The following RAD51B variants were observed in gnomAD, a reference collection of about 807,000 sequenced individuals.
RAD51B encodes the protein DNA repair protein RAD51 homolog 2.
Under a neutral mutation model 42.2 loss-of-function variants are expected in RAD51B, and 38 were observed. The ratio of observed to expected loss-of-function variants is 0.90; its 90% CI spans 0.70 to 1.18. RAD51B has a LOEUF of 1.18. RAD51B is among the 50% of genes most tolerant of loss of function. The pLI, the probability that RAD51B is intolerant of heterozygous loss-of-function variation, is 0.00. For missense variants in RAD51B, 373 were observed against 400.7 expected, an observed-to-expected ratio of 0.93 and a Z score of 0.59; for synonymous variants, 154 against 145.2, an observed-to-expected ratio of 1.06 and a Z score of -0.43.
chr14:68,511,307 C>A (rs1594928902), intron 10 of RAD51B, among the ~76,000 whole-genome samples: 2 of 152,218 alleles, frequency 1.3e-5, no homozygotes, highest in African/African-American at 4.8e-5. Context: ...CTGCAGCCTT[C>A]ACTTGGCACC....
intron 7 of RAD51B, among the ~76,000 whole-genome samples, chr14:68,160,539 A>G (rs1775382342): frequency 6.6e-6 from 1 of 152,238 alleles, no homozygotes; most frequent in Non-Finnish European, 1.5e-5. Flanking sequence ...GACCAATGAC[A>G]CTGATCCTGT....
At chr14:68,436,671 G>A (rs181583235) in intron 9 of RAD51B, among the ~76,000 whole-genome samples, 161 of 152,036 alleles carry the variant, frequency 1.1e-3, no homozygotes, top group Middle Eastern at 6.8e-3. Context: ...GTGTTTTGGC[G>A]GGGGGATCCT....
intron 11 of RAD51B, among the ~76,000 whole-genome samples, chr14:68,680,860 A>G (rs192004059): frequency 6.6e-5 from 10 of 152,134 alleles, no homozygotes; most frequent in African/African-American, 2.4e-4. Context: ...GTAATATACT[A>G]AGTTTAAACT....
At chr14:68,364,188 T>G (rs956981438) in intron 8 of RAD51B, among the ~76,000 whole-genome samples, 1 of 151,768 alleles carries the variant, frequency 6.6e-6, no homozygotes, top group African/African-American at 2.4e-5. Flanking sequence ...CAGCCACCCC[T>G]CTGATCCCTG....
At chr14:68,673,566 A>G (rs553669830) in intron 11 of RAD51B, among the ~76,000 whole-genome samples, 1 of 151,866 alleles carries the variant, frequency 6.6e-6, no homozygotes, top group South Asian at 2.1e-4. Context: ...ATATGTATGC[A>G]CACACATACA....
At chr14:68,382,119 A>G (rs1163338354) in intron 8 of RAD51B, among the ~76,000 whole-genome samples, 2 of 152,240 alleles carry the variant, frequency 1.3e-5, no homozygotes. Flanking sequence ...AGCTCTGGCC[A>G]GTTGGTTTAT....
chr14:68,162,961 G>A (rs377539306), intron 7 of RAD51B, among the ~76,000 whole-genome samples: 1 of 152,228 alleles, frequency 6.6e-6, no homozygotes, highest in African/African-American at 2.4e-5. Flanking sequence ...ATGTATTATA[G>A]CTGCAGTTAT....
chr14:68,643,733 C>T (rs1159338021), intron 10 of RAD51B, among the ~76,000 whole-genome samples: 1 of 152,176 alleles, frequency 6.6e-6, no homozygotes, highest in African/African-American at 2.4e-5. Context: ...CAGAGCAGCT[C>T]CTTGTGTTTT....
chr14:68,625,570 C>A (rs1470313304), intron 10 of RAD51B, among the ~76,000 whole-genome samples: 2 of 152,120 alleles, frequency 1.3e-5, no homozygotes, highest in Non-Finnish European at 2.9e-5. Context: ...CCTCCCAGAC[C>A]CAAGCCATCC....
chr14:68,042,698 A>G (rs73284252), intron 7 of RAD51B, among the ~76,000 whole-genome samples: 1,553 of 152,218 alleles, frequency 0.01, 28 homozygotes, highest in African/African-American at 0.036. Flanking sequence ...AGTGTGACTT[A>G]TTTATGCTTC....
intron 7 of RAD51B, among the ~76,000 whole-genome samples, chr14:67,960,247 G>A (rs1224903476): frequency 1.3e-5 from 2 of 152,176 alleles, no homozygotes; most frequent in Non-Finnish European, 2.9e-5. Flanking sequence ...TGAATTGCTT[G>A]TTCAAAGTCA....
At chr14:68,227,791 T>C (rs2140976336) in intron 7 of RAD51B, among the ~76,000 whole-genome samples, 1 of 152,306 alleles carries the variant, frequency 6.6e-6, no homozygotes, top group South Asian at 2.1e-4. Context: ...TAATGTATAA[T>C]TGGAGGAAAC....
chr14:68,319,392 T>C (rs534956500), intron 8 of RAD51B, among the ~76,000 whole-genome samples: 1 of 152,380 alleles, frequency 6.6e-6, no homozygotes, highest in East Asian at 1.9e-4. Flanking sequence ...TTGCCAAATC[T>C]GCAGTGCTTT....
intron 8 of RAD51B, among the ~76,000 whole-genome samples, chr14:68,389,800 C>T (rs1005586151): frequency 8.5e-5 from 13 of 152,190 alleles, no homozygotes; most frequent in Admixed American, 8.5e-4. Context: ...AGTCAGGCTT[C>T]CAAAAGACTT....
intron 7 of RAD51B, among the ~76,000 whole-genome samples, chr14:68,271,564 G>A (rs1026512297): frequency 2.6e-5 from 4 of 151,942 alleles, no homozygotes; most frequent in South Asian, 4.1e-4. Flanking sequence ...AGGCTTTATC[G>A]TCCAATGGAT....
intron 8 of RAD51B, among the ~76,000 whole-genome samples, chr14:68,294,300 T>A (rs1387233367): frequency 1.6e-4 from 2 of 12,308 alleles, no homozygotes; most frequent in East Asian, 1.9e-3. Context: ...TTTTCTAGAT[T>A]TTTTTTTTGT....
chr14:68,445,704 T>A (rs1483724202), intron 9 of RAD51B, among the ~76,000 whole-genome samples: 1 of 152,222 alleles, frequency 6.6e-6, no homozygotes, highest in Non-Finnish European at 1.5e-5. Context: ...TTCTTAATTG[T>A]TAACCCACCT....
intron 8 of RAD51B, among the ~76,000 whole-genome samples, chr14:68,391,706 A>T (rs1427226209): frequency 6.6e-6 from 1 of 151,994 alleles, no homozygotes; most frequent in East Asian, 1.9e-4. Context: ...TTTACCCTGT[A>T]TGTGGAAAAA....
intron 7 of RAD51B, among the ~76,000 whole-genome samples, chr14:68,178,340 T>C (rs531670970): frequency 1.3e-5 from 2 of 152,358 alleles, no homozygotes; most frequent in East Asian, 3.9e-4. Flanking sequence ...TGTTTAGTTA[T>C]GTATCACTTC....
Sources: gnomAD v4.1 joint callset for allele counts (sites outside exome capture counted in the v4.1 genomes callset) on GRCh38, gnomAD v4.1.1 for gene constraint, MANE v1.5 for transcripts, NCBI Gene and HGNC (gene_info 2026-07-23, HGNC 2026-07-21) for gene names.